Variants in PHF21B observed in about 807,000 individuals in gnomAD.
PHF21B encodes the protein PHD finger protein 4.
Under a neutral mutation model 62.2 loss-of-function variants are expected in PHF21B, and 22 were observed. That is an observed-to-expected ratio of 0.35 (90% CI 0.25 to 0.51). PHF21B has a LOEUF of 0.51. PHF21B is among the 20% of genes least tolerant of loss of function. PHF21B has a pLI of 0.97. For missense variants in PHF21B, 701 were observed against 707.9 expected, an observed-to-expected ratio of 0.99 and a Z score of 0.11; for synonymous variants, 341 against 314.7, an observed-to-expected ratio of 1.08 and a Z score of -0.88.
chr22:44,890,340 C>A (rs1444940142), intron 8 of PHF21B, among the ~76,000 whole-genome samples: 1 of 152,170 alleles, frequency 6.6e-6, no homozygotes, highest in Non-Finnish European at 1.5e-5. Flanking sequence ...TAAATGATAC[C>A]AAACCACACA....
chr22:44,920,379 C>G lies in PHF21B; in HGVS notation c.213+19G>C, dbSNP rs763232212. 1 of 1,589,054 alleles carries G rather than the reference C, an allele frequency of 6.3e-7. No homozygotes were observed. ...GACAGACAGACGGACACCCCAGGGC[C>G]CGCCCGAGGGCTGCTTACCTGAGGT... On this transcript the variant is annotated intron_variant, in intron 3 of 12. Coordinates refer to ENST00000313237, the MANE Select transcript of PHF21B (RefSeq NM_138415.5).
chr22:44,939,175 C>T (rs1383695306), intron 2 of PHF21B, among the ~76,000 whole-genome samples: 2 of 152,184 alleles, frequency 1.3e-5, no homozygotes, highest in Non-Finnish European at 2.9e-5. Context: ...AGGGAGACTC[C>T]CGCTGAGCCA....
chr22:44,884,122 T>TCACCACCAC (rs60606161), intron 12 of PHF21B, among the ~76,000 whole-genome samples: 2 of 21,430 alleles, frequency 9.3e-5, no homozygotes, highest in African/African-American at 2.3e-4. Flanking sequence ...ACCATCACCA[T>TCACCACCAC]CATGATCACC....
intron 2 of PHF21B, among the ~76,000 whole-genome samples, chr22:44,926,360 C>T (rs1444642586): frequency 1.3e-5 from 2 of 152,234 alleles, no homozygotes; most frequent in African/African-American, 4.8e-5. Flanking sequence ...GAGAAATTTC[C>T]ACATGGATGG....
At chr22:44,971,519 A>T (rs901385684) in intron 2 of PHF21B, 1 of 152,144 alleles carries the variant, frequency 6.6e-6, no homozygotes, top group South Asian at 2.1e-4. Flanking sequence ...ACCAATTTCC[A>T]CTGTGTCCAC....
chr22:44,912,501 G>A (rs1331399404), intron 5 of PHF21B, among the ~76,000 whole-genome samples: 3 of 151,822 alleles, frequency 2.0e-5, no homozygotes, highest in Non-Finnish European at 4.4e-5. Context: ...GATCTGATGT[G>A]TTTAAAAAAC....
intron 2 of PHF21B, among the ~76,000 whole-genome samples, chr22:44,927,864 G>A (rs918400567): frequency 1.1e-4 from 16 of 152,088 alleles, no homozygotes; most frequent in Admixed American, 4.6e-4. Flanking sequence ...TTGTGACTAC[G>A]TTTACAGCTC....
intron 5 of PHF21B, among the ~76,000 whole-genome samples, chr22:44,905,435 A>G (rs1226379909): frequency 2.0e-5 from 3 of 152,162 alleles, no homozygotes; most frequent in Non-Finnish European, 4.4e-5. Context: ...TTATTTCTAG[A>G]CATTACTCCT....
At chr22:44,899,167 G>C (rs1173242020) in intron 5 of PHF21B, among the ~76,000 whole-genome samples, 2 of 152,106 alleles carry the variant, frequency 1.3e-5, no homozygotes, top group African/African-American at 4.8e-5. Flanking sequence ...GAGGATGAGG[G>C]AATCAGTTGG....
intron 2 of PHF21B, chr22:45,000,438 A>T (rs1386864407): frequency 2.6e-5 from 4 of 152,188 alleles, no homozygotes; most frequent in Non-Finnish European, 4.4e-5. Flanking sequence ...ACACAAGTGA[A>T]ATCAAAGACA....
chr22:44,916,882 G>C (rs1163434519), intron 3 of PHF21B, among the ~76,000 whole-genome samples: 1 of 152,248 alleles, frequency 6.6e-6, no homozygotes, highest in Non-Finnish European at 1.5e-5. Flanking sequence ...TGCACTCAGA[G>C]AAAACGGTGA....
At chr22:44,927,854 T>C (rs529398554) in intron 2 of PHF21B, among the ~76,000 whole-genome samples, 1 of 152,200 alleles carries the variant, frequency 6.6e-6, no homozygotes. Context: ...ATCAATGAGC[T>C]TGTGACTACG....
chr22:44,981,740 G>T (rs1055997480), intron 2 of PHF21B, among the ~76,000 whole-genome samples: 1 of 152,208 alleles, frequency 6.6e-6, no homozygotes, highest in African/African-American at 2.4e-5. Context: ...GCTACACGGG[G>T]ACCAACAAAG....
intron 2 of PHF21B, among the ~76,000 whole-genome samples, chr22:44,982,962 G>A (rs1377143711): frequency 6.6e-6 from 1 of 152,164 alleles, no homozygotes; most frequent in Non-Finnish European, 1.5e-5. Flanking sequence ...GTATGCAAGG[G>A]GCCGGGCGCG....
At chr22:44,917,320 C>T (rs4823417) in intron 3 of PHF21B, among the ~76,000 whole-genome samples, 23,330 of 152,002 alleles carry the variant, frequency 0.15, 2,656 homozygotes, top group East Asian at 0.61. Flanking sequence ...TACTGGGGTT[C>T]GGAAGAAAGA....
chr22:44,934,684 G>A (rs2071810028), intron 2 of PHF21B, among the ~76,000 whole-genome samples: 1 of 152,170 alleles, frequency 6.6e-6, no homozygotes, highest in South Asian at 2.1e-4. Context: ...ATAACTGGAG[G>A]GTGTAGGGAG....
chr22:44,899,231 T>C (rs1003750620), intron 5 of PHF21B, among the ~76,000 whole-genome samples: 47 of 152,142 alleles, frequency 3.1e-4, no homozygotes, highest in African/African-American at 1.1e-3. Context: ...AATGACAGTT[T>C]TATATTATTA....
chr22:44,963,653 C>T (rs1217591298), intron 2 of PHF21B, among the ~76,000 whole-genome samples: 1 of 152,218 alleles, frequency 6.6e-6, no homozygotes, highest in African/African-American at 2.4e-5. Context: ...CTCAGAGAAC[C>T]CGAGGCCTTC....
chr22:45,008,237 C>T (rs1274705618), intron 2 of PHF21B: 5 of 249,570 alleles, frequency 2.0e-5, no homozygotes, highest in Non-Finnish European at 3.0e-5. Context: ...CGGGGGACTC[C>T]GAGCCGGGAG....
Sources: gnomAD v4.1 joint callset for allele counts (sites outside exome capture counted in the v4.1 genomes callset) on GRCh38, gnomAD v4.1.1 for gene constraint, MANE v1.5 for transcripts, NCBI Gene and HGNC (gene_info 2026-07-23, HGNC 2026-07-21) for gene names.